Variants in CAPN5 observed in about 807,000 individuals in gnomAD.
CAPN5 encodes calpain-5.
Under a neutral mutation model 73.0 loss-of-function variants are expected in CAPN5, and 54 were observed. The ratio of observed to expected loss-of-function variants is 0.74; its 90% CI spans 0.59 to 0.93. The LOEUF is 0.93. Among genes scored for constraint, CAPN5 ranks in the 40% least tolerant of loss-of-function variants. The pLI is 0.00. For synonymous variants in CAPN5, 335 were observed against 356.9 expected (o/e 0.94, Z 0.69); for missense variants, 785 against 882.9 (o/e 0.89, Z 1.41).
intron 3 of CAPN5, among the ~76,000 whole-genome samples, chr11:77,107,871 TGAGGTTTTCA>T (rs1166759353): frequency 6.6e-6 from 1 of 152,152 alleles, no homozygotes; most frequent in Non-Finnish European, 1.5e-5. Flanking sequence ...CTCCCAGCCC[TGAGGTTTTCA>T]GACTGTTGTG....
intron 3 of CAPN5, chr11:77,103,026 C>G: frequency 1.2e-6 from 2 of 1,613,606 alleles, no homozygotes; most frequent in South Asian, 2.2e-5. Flanking sequence ...GCAGCAGCGG[C>G]TACAGTTCGA....
intron 1 of CAPN5, among the ~76,000 whole-genome samples, chr11:77,083,457 T>A (rs537196908): frequency 2.6e-5 from 4 of 152,162 alleles, no homozygotes; most frequent in African/African-American, 9.7e-5. Context: ...GGCACTAAAG[T>A]CAGAGGATCT....
Position 77,114,439 on chromosome 11 carries a change from G to A in CAPN5, c.699+5G>A. 1 of 1,613,462 alleles carries A rather than the reference G, an allele frequency of 6.2e-7. No individual in the cohort carries two copies. Among genetic ancestry groups the A allele is most frequent in the East Asian group, 2.2e-5 (1 of 44,880 alleles). Reference sequence around the variant, plus strand: ...CTCATCAGTGCCTCCATCAAGGTGAGAACACGGCAGTCCCCAGAGGCGACC... The same window carrying A: ...CTCATCAGTGCCTCCATCAAGGTGAAAACACGGCAGTCCCCAGAGGCGACC... On this transcript the variant is annotated splice_donor_5th_base_variant and intron_variant, in intron 5 of 12. Coordinates refer to ENST00000648180, the MANE Select transcript of CAPN5 (RefSeq NM_004055.5).
intron 3 of CAPN5, among the ~76,000 whole-genome samples, chr11:77,109,196 A>C (rs1416118200): frequency 6.6e-6 from 1 of 152,208 alleles, no homozygotes; most frequent in Non-Finnish European, 1.5e-5. Flanking sequence ...ACCATCAGTG[A>C]CCACTGCCTA....
At chr11:77,112,849 C>A in intron 4 of CAPN5, 52 bp downstream of exon 4, 1 of 1,534,956 alleles carries the variant, frequency 6.5e-7, no homozygotes, top group Non-Finnish European at 9.0e-7. Flanking sequence ...GGGGTGGCAC[C>A]GGATGGGCTC....
At chr11:77,068,341 A>T (rs1949867879) in intron 1 of CAPN5, among the ~76,000 whole-genome samples, 1 of 152,150 alleles carries the variant, frequency 6.6e-6, no homozygotes, top group South Asian at 2.1e-4. Context: ...TCTTCTGACA[A>T]GACAGGCAGT....
chr11:77,073,044 T>A (rs564247043), intron 1 of CAPN5: 6 of 1,284,180 alleles, frequency 4.7e-6, no homozygotes, highest in Non-Finnish European at 5.1e-6. Flanking sequence ...CCACCCCGGG[T>A]GAGAGAGAAT....
At position 77,120,711 on chromosome 11, in the gene CAPN5, A is replaced by G; in HGVS notation, c.1291-2A>G. 1 of 1,598,864 alleles carries G rather than the reference A, an allele frequency of 6.3e-7. No homozygotes were observed. The highest frequency in any genetic ancestry group is 8.5e-7 in the Non-Finnish European group (1 of 1,170,550). On this transcript the variant is annotated splice_acceptor_variant, in intron 9 of 12. Transcript: ENST00000648180. LOFTEE classifies it high-confidence loss of function. Reference sequence around the variant, plus strand: ...TGGCCCAGCCCCTCCCGCCTCCTGCAGGTGGAGGAGAACCGCCAGTACCGC... The same window carrying G: ...TGGCCCAGCCCCTCCCGCCTCCTGCGGGTGGAGGAGAACCGCCAGTACCGC...
At chr11:77,112,511 C>T in intron 3 of CAPN5, 78 bp from the exon 4 acceptor site, 1 of 1,116,654 alleles carries the variant, frequency 9.0e-7, no homozygotes, top group Non-Finnish European at 1.4e-6. Context: ...TCGCTGGAAG[C>T]ACACGCCCCC....
Position 77,100,380 on chromosome 11 carries a change from C to T in CAPN5, c.297+6567C>T, listed in dbSNP as rs1035933950. 9.2e-5 allele frequency among the ~76,000 whole-genome samples: 14 copies of T among 151,988 alleles called. 1 individual carries two copies. The East Asian group carries it at 1.9e-3, about 21-fold the overall frequency. On this transcript the variant is annotated intron_variant, in intron 3 of 12. Transcript: ENST00000648180. ...GCCTCCTCCCCTCCCTCTTCCATTCCTTTTCCCCCCAGGCCTTCCCTTGGC... is the reference window on the plus strand; with the variant it reads ...GCCTCCTCCCCTCCCTCTTCCATTCTTTTTCCCCCCAGGCCTTCCCTTGGC...
intron 1 of CAPN5, among the ~76,000 whole-genome samples, chr11:77,068,596 G>A (rs1162001026): frequency 1.3e-5 from 2 of 152,192 alleles, no homozygotes; most frequent in Admixed American, 6.5e-5. Flanking sequence ...GGTCAGATGT[G>A]TGTCCAAGAA....
At chr11:77,096,330 C>T (rs77285619) in intron 3 of CAPN5, among the ~76,000 whole-genome samples, 1,584 of 152,320 alleles carry the variant, frequency 0.01, 29 homozygotes, top group African/African-American at 0.036. Flanking sequence ...TGATTCTGGC[C>T]GGGTCTCCTG....
rs782703442 is a variant in CAPN5 at position 77,115,404 on chromosome 11, G to C, written c.709G>C (p.Ala237Pro). Reference sequence around the variant, plus strand: ...CTGTGTCCCTCCACAGGCAGTGACAGCAGCTGACATGGAGGCCCGCCTGGC... The same window carrying C: ...CTGTGTCCCTCCACAGGCAGTGACACCAGCTGACATGGAGGCCCGCCTGGC... The part of the protein sequence containing the change: ...LISASIKAVT[A>P]ADMEARLACG... Residue 237 changes from alanine to proline, a missense_variant, in exon 6 of 13, where the codon GCA (alanine) becomes CCA (proline). Ala to Pro is a conservative substitution (Grantham distance 27). Transcript: ENST00000648180. 3 of 1,601,790 alleles carry C rather than the reference G, an allele frequency of 1.9e-6. No individual in the cohort carries two copies. The African/African-American group carries it at 4.0e-5, about 21-fold the overall frequency.
rs782164052 is a variant in CAPN5, at chr11:77,106,781, GGA to G, written c.298-5804_298-5803del. On this transcript the variant is annotated intron_variant, in intron 3 of 12. Transcript: ENST00000648180. ...TGGGTGGGGGTACAGGAGAACCTGT[GGA>G]GAGCTGAAGTGAGTTGCCTGAGGCA... 1.7e-3 allele frequency among the ~76,000 whole-genome samples: 255 copies of G among 152,232 alleles called. 6 individuals are homozygous for G. The highest frequency in any genetic ancestry group is 5.3e-4 in the Non-Finnish European group (36 of 68,042).
chr11:77,094,493 G>A (rs749730415), intron 3 of CAPN5, among the ~76,000 whole-genome samples: 33 of 152,372 alleles, frequency 2.2e-4, no homozygotes, highest in Non-Finnish European at 4.6e-4. Flanking sequence ...TAGATTCCGT[G>A]CACAGGAGGC....
chr11:77,102,994 T>C lies in CAPN5; in HGVS notation c.297+9181T>C, dbSNP rs372729183. Reference sequence around the variant, plus strand: ...AAGCTGCTGCAGCCAGCGGAGTCTGTGTACCGCCTCAACTTCACCCAGCAG... The same window carrying C: ...AAGCTGCTGCAGCCAGCGGAGTCTGCGTACCGCCTCAACTTCACCCAGCAG... On this transcript the variant is annotated intron_variant, in intron 3 of 12. Transcript: ENST00000648180. The C allele has an allele frequency of 3.7e-6, 6 of 1,613,342 alleles. No individual in the cohort carries two copies. The East Asian group carries it at 6.7e-5, about 18-fold the overall frequency.
rs200324313 is a variant in CAPN5, at chr11:77,114,194, C to G, written c.507-48C>G. 5.3e-4 allele frequency: 828 copies of G among 1,574,708 alleles called. 5 individuals are homozygous for G. The African/African-American group carries it at 9.6e-3, about 18-fold the overall frequency. ...CTCCCCTATGAGGTAAAGGATGCAG[C>G]CTGGCTGGGGAGCATGAGCTGGGAA... On this transcript the variant is annotated intron_variant, in intron 4 of 12. Coordinates refer to ENST00000648180, the MANE Select transcript of CAPN5 (RefSeq NM_004055.5).
intron 1 of CAPN5, chr11:77,071,534 G>T (rs782521261): frequency 2.4e-5 from 10 of 416,176 alleles, no homozygotes; most frequent in Non-Finnish European, 4.1e-5. Flanking sequence ...GGCCTATTAC[G>T]GCCAAGTCCT....
At chr11:77,094,284 C>G (rs1256746013) in intron 3 of CAPN5, among the ~76,000 whole-genome samples, 1 of 152,190 alleles carries the variant, frequency 6.6e-6, no homozygotes, top group Admixed American at 6.5e-5. Context: ...ACTCCCAGTT[C>G]CAAGCTGCTG....
Sources: gnomAD v4.1 joint callset for allele counts (sites outside exome capture counted in the v4.1 genomes callset) on GRCh38, gnomAD v4.1.1 for gene constraint, MANE v1.5 for transcripts, NCBI Gene and HGNC (gene_info 2026-07-23, HGNC 2026-07-21) for gene names.